Variants in ARHGAP32 observed in about 807,000 individuals in gnomAD.
ARHGAP32 encodes rho GTPase-activating protein 32.
ARHGAP32 carries 51 observed loss-of-function variants against 186.5 expected under a neutral mutation model. The ratio of observed to expected loss-of-function variants is 0.27; its 90% CI spans 0.22 to 0.35. ARHGAP32 has a LOEUF of 0.35. Ranked by LOEUF, ARHGAP32 falls within the 10% of genes least tolerant of loss-of-function variation. ARHGAP32 has a pLI of 1.00. For missense variants in ARHGAP32, 2,186 were observed against 2,623.5 expected (o/e 0.83, Z 3.64); for synonymous variants, 950 against 964.3 (o/e 0.99, Z 0.27).
intron 1 of ARHGAP32, among the ~76,000 whole-genome samples, chr11:129,234,553 CAATAT>C (rs1205083943): frequency 6.6e-6 from 1 of 152,034 alleles, no homozygotes; most frequent in Non-Finnish European, 1.5e-5. Context: ...TAAAATATAT[CAATAT>C]AATCTATATA....
chr11:129,066,661 T>C (rs1362980607), intron 7 of ARHGAP32, 70 bp downstream of exon 7: 1 of 1,468,934 alleles, frequency 6.8e-7, no homozygotes, highest in Non-Finnish European at 9.2e-7. Context: ...TTTTGTTTAG[T>C]ATACAGACAA....
rs200381917 is a variant in ARHGAP32 at position 128,981,956 on chromosome 11, T to C, written c.1527-20A>G. On this transcript the variant is annotated intron_variant, in intron 15 of 22. Coordinates refer to ENST00000682385, the MANE Select transcript of ARHGAP32 (RefSeq NM_001378024.1). The stretch of plus-strand genomic sequence containing the variant: ...AGTGTTCTGGAAATAAAATACAACA[T>C]ATTAACAGAAAGAAACATGATGCAG... The C allele has an allele frequency of 7.6e-6, 11 of 1,453,828 alleles. No individual in the cohort carries two copies. In the Admixed American group the frequency reaches 1.8e-4, roughly 24 times the overall value. The allele number at this position is 1,453,828 out of a possible 1,614,324, so 90.1% of individuals were successfully genotyped here.
At chr11:128,971,837 T>C (rs975546689) in intron 22 of ARHGAP32, 2 of 152,348 alleles carry the variant, frequency 1.3e-5, no homozygotes, top group South Asian at 4.1e-4. Context: ...TCTTAAAATA[T>C]GAGGAAATTC....
intron 15 of ARHGAP32, among the ~76,000 whole-genome samples, chr11:128,985,677 C>T (rs947433034): frequency 8.6e-5 from 13 of 151,964 alleles, no homozygotes; most frequent in Non-Finnish European, 1.5e-4. Flanking sequence ...AGTCAGCCAT[C>T]CCTTTGTCCA....
chr11:129,068,744 CT>C (rs1197090301), intron 6 of ARHGAP32, among the ~76,000 whole-genome samples: 1 of 151,966 alleles, frequency 6.6e-6, no homozygotes, highest in Non-Finnish European at 1.5e-5. Flanking sequence ...ATTACAATGA[CT>C]TTTATGTATT....
At chr11:129,086,008 A>G (rs1941378811) in intron 6 of ARHGAP32, among the ~76,000 whole-genome samples, 1 of 141,652 alleles carries the variant, frequency 7.1e-6, no homozygotes, top group Non-Finnish European at 1.6e-5. Flanking sequence ...AAACAAACAA[A>G]CAAACAAACA....
At chr11:128,992,306 T>C (rs1230329735) in intron 12 of ARHGAP32, among the ~76,000 whole-genome samples, 2 of 152,182 alleles carry the variant, frequency 1.3e-5, no homozygotes, top group East Asian at 3.8e-4. Flanking sequence ...CTCACTATTT[T>C]GTTTTAGTGA....
At chr11:129,043,455 C>A (rs998227622) in intron 10 of ARHGAP32, among the ~76,000 whole-genome samples, 1 of 146,228 alleles carries the variant, frequency 6.8e-6, no homozygotes, top group Non-Finnish European at 1.5e-5. Context: ...GACGCGACCT[C>A]GGCTCACTGT....
chr11:129,018,393 T>C (rs1278258343), intron 11 of ARHGAP32, among the ~76,000 whole-genome samples: 1 of 152,184 alleles, frequency 6.6e-6, no homozygotes, highest in Non-Finnish European at 1.5e-5. Flanking sequence ...ATACCTTAAA[T>C]AGCAGCAAAG....
rs1216545732 is a variant in ARHGAP32, at chr11:128,973,143, G to C, written c.3363C>G (p.Phe1121Leu). The C allele has an allele frequency of 3.1e-6, 5 of 1,614,182 alleles. No individual in the cohort carries two copies. The highest frequency in any genetic ancestry group is 3.4e-6 in the Non-Finnish European group (4 of 1,180,038). Residue 1121 changes from phenylalanine to leucine, a missense_variant, in exon 22 of 23, where the codon TTC (phenylalanine) becomes TTG (leucine). Phe to Leu is a conservative substitution (Grantham distance 22). Around this residue, in one of 5 missense-constraint regions of ARHGAP32, gnomAD observed 1,502 missense variants for 1,570.0 expected, o/e 0.96. Coordinates refer to ENST00000682385, the MANE Select transcript of ARHGAP32 (RefSeq NM_001378024.1). Reference protein sequence around the residue: ...YFQTDRPAEQFHLQNNAPGNC... With the variant: ...YFQTDRPAEQLHLQNNAPGNC... The stretch of plus-strand genomic sequence containing the variant: ...TTCCTGGTGCATTATTCTGGAGGTG[G>C]AACTGCTCTGCTGGTCGATCGGTTT...
chr11:129,247,113 T>G (rs1451654352), intron 1 of ARHGAP32, among the ~76,000 whole-genome samples: 2 of 152,234 alleles, frequency 1.3e-5, no homozygotes, highest in Non-Finnish European at 2.9e-5. Context: ...TTGCATCTAG[T>G]AAATTGTTAA....
chr11:129,228,437 T>C (rs1944813822), intron 1 of ARHGAP32, among the ~76,000 whole-genome samples: 1 of 151,966 alleles, frequency 6.6e-6, no homozygotes, highest in Non-Finnish European at 1.5e-5. Context: ...TTTTAAAAGG[T>C]AACAAAATTG....
chr11:129,135,134 T>G (rs1365744967), intron 2 of ARHGAP32, among the ~76,000 whole-genome samples: 1 of 152,188 alleles, frequency 6.6e-6, no homozygotes, highest in African/African-American at 2.4e-5. Context: ...CATCAATTCT[T>G]CCCCAATATT....
intron 10 of ARHGAP32, among the ~76,000 whole-genome samples, chr11:129,054,064 G>GT (rs1424098087): frequency 7.1e-6 from 1 of 141,264 alleles, no homozygotes; most frequent in Non-Finnish European, 1.6e-5. Context: ...TACTCTTGAG[G>GT]TAAAAAAAAA....
At chr11:129,182,460 T>C (rs933966968) in intron 1 of ARHGAP32, among the ~76,000 whole-genome samples, 2 of 152,152 alleles carry the variant, frequency 1.3e-5, no homozygotes, top group East Asian at 1.9e-4. Flanking sequence ...CTTTGTTTTT[T>C]GTAATGCAGA....
chr11:129,104,767 A>G (rs1942003596), intron 5 of ARHGAP32, among the ~76,000 whole-genome samples: 2 of 152,134 alleles, frequency 1.3e-5, no homozygotes, highest in African/African-American at 4.8e-5. Context: ...TCCAAAAATC[A>G]CAAAAAACAA....
At chr11:129,225,748 A>G (rs956138273) in intron 1 of ARHGAP32, among the ~76,000 whole-genome samples, 2 of 152,338 alleles carry the variant, frequency 1.3e-5, no homozygotes, top group Admixed American at 6.5e-5. Context: ...TGGCCTATAC[A>G]TAGAGGGAAA....
intron 1 of ARHGAP32, among the ~76,000 whole-genome samples, chr11:129,172,607 G>A (rs550634941): frequency 2.6e-5 from 4 of 152,174 alleles, no homozygotes; most frequent in Non-Finnish European, 4.4e-5. Context: ...TCAGACCACA[G>A]TGCAATCACA....
intron 1 of ARHGAP32, among the ~76,000 whole-genome samples, chr11:129,219,134 A>ATC (rs981449608): frequency 6.6e-6 from 1 of 152,168 alleles, no homozygotes; most frequent in Non-Finnish European, 1.5e-5. Context: ...TCAGATTATG[A>ATC]TCTTGAGAAC....
Sources: allele counts gnomAD v4.1 joint callset (sites outside exome capture counted in the v4.1 genomes callset), GRCh38; gene constraint gnomAD v4.1.1; regional missense constraint gnomAD v4.1.1; transcripts MANE v1.5; gene names NCBI Gene and HGNC (gene_info 2026-07-23, HGNC 2026-07-21).